KCNC2: variants seen among roughly 807,000 people sequenced by gnomAD.
KCNC2 encodes voltage-gated potassium channel KCNC2.
KCNC2 carries 21 observed loss-of-function variants against 44.5 expected under a neutral mutation model. The ratio of observed to expected loss-of-function variants is 0.47; its 90% CI spans 0.33 to 0.68. The LOEUF is 0.68. Ranked by LOEUF, KCNC2 falls within the 30% of genes least tolerant of loss-of-function variation. The pLI is 0.01. For missense variants in KCNC2, 589 were observed against 826.2 expected (o/e 0.71, Z 3.52); for synonymous variants, 391 against 339.1 (o/e 1.15, Z -1.68).
intron 2 of KCNC2, among the ~76,000 whole-genome samples, chr12:75,191,527 A>ATTTTTTTTTTTTTTTTTTTTT (rs1555174221): frequency 6.0e-5 from 2 of 33,312 alleles, no homozygotes; most frequent in African/African-American, 1.2e-4. Flanking sequence ...TATTATTATT[A>ATTTTTTTTTTTTTTTTTTTTT]TTTTTTTTTT....
intron 2 of KCNC2, among the ~76,000 whole-genome samples, chr12:75,190,416 A>T (rs2030084333): frequency 6.6e-6 from 1 of 152,144 alleles, no homozygotes; most frequent in South Asian, 2.1e-4. Context: ...TCAGGAGGTG[A>T]TGCTAACAAT....
chr12:75,054,564 AG>A (rs1247590490), intron 2 of KCNC2, among the ~76,000 whole-genome samples: 1 of 152,182 alleles, frequency 6.6e-6, no homozygotes, highest in African/African-American at 2.4e-5. Context: ...TTTCAGCAAA[AG>A]GCTATTTTAT....
intron 2 of KCNC2, among the ~76,000 whole-genome samples, chr12:75,099,347 A>G (rs887654680): frequency 2.6e-5 from 4 of 152,130 alleles, no homozygotes; most frequent in Non-Finnish European, 4.4e-5. Context: ...ATTCAAATAA[A>G]GCTCAGTTCC....
At chr12:75,116,648 A>C (rs1887679732) in intron 2 of KCNC2, among the ~76,000 whole-genome samples, 1 of 152,224 alleles carries the variant, frequency 6.6e-6, no homozygotes, top group African/African-American at 2.4e-5. Flanking sequence ...AATTCAGATC[A>C]CTAAATAACA....
chr12:75,144,475 G>A (rs1889874104), intron 2 of KCNC2, among the ~76,000 whole-genome samples: 1 of 152,170 alleles, frequency 6.6e-6, no homozygotes, highest in South Asian at 2.1e-4. Context: ...GGCAAGTGTA[G>A]TGGCATATGC....
At chr12:75,163,992 CA>C (rs1891288358) in intron 2 of KCNC2, among the ~76,000 whole-genome samples, 1 of 151,584 alleles carries the variant, frequency 6.6e-6, no homozygotes, top group East Asian at 2.0e-4. Flanking sequence ...TTGGAACTTG[CA>C]GGGAACAATA....
intron 2 of KCNC2, among the ~76,000 whole-genome samples, chr12:75,186,891 C>G (rs1373612527): frequency 6.6e-6 from 1 of 152,156 alleles, no homozygotes; most frequent in African/African-American, 2.4e-5. Flanking sequence ...AAATTGGTAT[C>G]TTACATCTCA....
At chr12:75,118,841 G>GAGAC (rs1280112701) in intron 2 of KCNC2, among the ~76,000 whole-genome samples, 1 of 152,178 alleles carries the variant, frequency 6.6e-6, no homozygotes, top group Non-Finnish European at 1.5e-5. Context: ...ACCACTGTAA[G>GAGAC]AGACAGAACA....
At chr12:75,182,049 G>A (rs1216615347) in intron 2 of KCNC2, among the ~76,000 whole-genome samples, 1 of 146,350 alleles carries the variant, frequency 6.8e-6, no homozygotes, top group Admixed American at 7.1e-5. Flanking sequence ...AGAGAACTGA[G>A]GGAAAGAGAG....
intron 2 of KCNC2, among the ~76,000 whole-genome samples, chr12:75,086,763 A>G (rs1885069043): frequency 1.3e-5 from 2 of 151,088 alleles, no homozygotes; most frequent in Admixed American, 6.6e-5. Flanking sequence ...AAATGAAGGA[A>G]AAGTGAACAT....
chr12:75,173,986 A>G (rs1892005102), intron 2 of KCNC2, among the ~76,000 whole-genome samples: 1 of 151,840 alleles, frequency 6.6e-6, no homozygotes, highest in African/African-American at 2.4e-5. Context: ...AATCTATTTC[A>G]TGGCATGTCA....
chr12:75,130,936 C>A (rs1432302510), intron 2 of KCNC2, among the ~76,000 whole-genome samples: 1 of 152,008 alleles, frequency 6.6e-6, no homozygotes, highest in African/African-American at 2.4e-5. Context: ...AAATCAATCC[C>A]ATCTGTTACG....
At chr12:75,125,113 A>T (rs546538582) in intron 2 of KCNC2, among the ~76,000 whole-genome samples, 1 of 152,266 alleles carries the variant, frequency 6.6e-6, no homozygotes, top group East Asian at 1.9e-4. Context: ...CTCAAAAAAA[A>T]ATTAATCAAA....
At chr12:75,113,999 C>T (rs1175162879) in intron 2 of KCNC2, among the ~76,000 whole-genome samples, 1 of 151,418 alleles carries the variant, frequency 6.6e-6, no homozygotes, top group Non-Finnish European at 1.5e-5. Flanking sequence ...CACATATATA[C>T]ACACACACAC....
chr12:75,137,607 G>T (rs975887807), intron 2 of KCNC2, among the ~76,000 whole-genome samples: 1 of 152,094 alleles, frequency 6.6e-6, no homozygotes, highest in African/African-American at 2.4e-5. Flanking sequence ...CCCAAATTAT[G>T]CATGTGCATT....
intron 2 of KCNC2, among the ~76,000 whole-genome samples, chr12:75,174,523 C>A (rs1432724171): frequency 6.6e-6 from 1 of 151,820 alleles, no homozygotes; most frequent in Non-Finnish European, 1.5e-5. Flanking sequence ...ATGTTGCAGT[C>A]ATATTATATA....
rs1229620458 is a variant in KCNC2, at chr12:75,074,053, G to A, written c.688-22736C>T. ...TAAACATTTTGAGAGGAAAAGTTGT[G>A]TCATAAAAAGAATAATAAATAAAAA... is the stretch of plus-strand genomic sequence containing the variant. On this transcript the variant is annotated intron_variant, in intron 2 of 4. Transcript: ENST00000549446. Among the ~76,000 whole-genome samples, 7 of 152,000 alleles carry A rather than the reference G, an allele frequency of 4.6e-5. No individual in the cohort carries two copies. The South Asian group carries it at 1.2e-3, about 27-fold the overall frequency.
rs1879779245 is a variant in KCNC2 at position 75,040,398 on chromosome 12, AT to A, written c.*2706del. 6.6e-6 allele frequency: 1 copy of A among 152,430 alleles called. No individual in the cohort carries two copies. The highest frequency in any genetic ancestry group is 2.4e-5 in the African/African-American group (1 of 41,448). The allele number at this position is 152,430 out of a possible 1,614,324, so 9.4% of individuals were successfully genotyped here. Reference sequence around the variant, plus strand: ...TCACAAAAAAGTAATTGATTAAAGAATATCTCTTTTATGCAAAATATACATT... The same window carrying A: ...TCACAAAAAAGTAATTGATTAAAGAAATCTCTTTTATGCAAAATATACATT... On this transcript the variant is annotated 3_prime_UTR_variant, in exon 5 of 5. Coordinates refer to ENST00000549446, the MANE Select transcript of KCNC2 (RefSeq NM_139137.4).
At chr12:75,069,472 A>C (rs1425997232) in intron 2 of KCNC2, among the ~76,000 whole-genome samples, 1 of 152,040 alleles carries the variant, frequency 6.6e-6, no homozygotes, top group Non-Finnish European at 1.5e-5. Context: ...AACAATTTTC[A>C]TCTCAAACAT....
Sources: allele counts gnomAD v4.1 joint callset (sites outside exome capture counted in the v4.1 genomes callset), GRCh38; gene constraint gnomAD v4.1.1; transcripts MANE v1.5; gene names NCBI Gene and HGNC (gene_info 2026-07-23, HGNC 2026-07-21).